The following VWA3A variants were observed in gnomAD, a reference collection of about 807,000 sequenced individuals.
The protein encoded by VWA3A is von Willebrand factor A domain-containing protein 3A.
Under a neutral mutation model 160.4 loss-of-function variants are expected in VWA3A, and 134 were observed. The ratio of observed to expected loss-of-function variants is 0.84; its 90% CI spans 0.73 to 0.96. VWA3A has a LOEUF of 0.96. VWA3A is among the 40% of genes least tolerant of loss of function. VWA3A has a pLI of 0.00. For missense variants in VWA3A, 1,310 were observed against 1,447.9 expected (o/e 0.90, Z 1.55); for synonymous variants, 476 against 543.4 (o/e 0.88, Z 1.72).
chr16:22,142,673 G>A lies in VWA3A; in HGVS notation c.2500G>A (p.Val834Met), dbSNP rs755169695. ...YTEKGNDVGSVYKKYPQGRGL... is the reference protein window; with the variant it reads ...YTEKGNDVGSMYKKYPQGRGL... ...CCTCACTCTGCTTCTTCTAGGCTCA[G>A]TGTACAAGAAGTACCCTCAAGGAAG... Residue 834 changes from valine (V) to methionine (M), a missense_variant, in exon 25 of 34, where the codon GTG becomes ATG. Coordinates refer to ENST00000389398, the MANE Select transcript of VWA3A (RefSeq NM_173615.5). 3.2e-6 allele frequency: 5 copies of A among 1,563,870 alleles called. No individual in the cohort carries two copies. Among genetic ancestry groups the A allele is most frequent in the Non-Finnish European group, 4.3e-6 (5 of 1,153,150 alleles).
intron 22 of VWA3A, among the ~76,000 whole-genome samples, chr16:22,139,820 G>A (rs2046110600): frequency 6.6e-6 from 1 of 152,150 alleles, no homozygotes. Context: ...GCAGGTGACT[G>A]ATGAAAAAAA....
chr16:22,129,266 G>GT (rs1292977805), intron 17 of VWA3A, among the ~76,000 whole-genome samples: 1 of 151,864 alleles, frequency 6.6e-6, no homozygotes, highest in African/African-American at 2.4e-5. Context: ...GTGGGCACCT[G>GT]TAGTCCCAGC....
At chr16:22,121,646 C>T (rs758987217) in intron 14 of VWA3A, 29 bp downstream of exon 14, 1 of 1,525,920 alleles carries the variant, frequency 6.6e-7, no homozygotes, top group Non-Finnish European at 9.1e-7. Flanking sequence ...TCTCTCCAGT[C>T]CTCCACAGGA....
intron 1 of VWA3A, among the ~76,000 whole-genome samples, chr16:22,093,942 T>TA (rs928923671): frequency 6.6e-6 from 1 of 151,144 alleles, no homozygotes; most frequent in African/African-American, 2.4e-5. Context: ...TTTTTGTATT[T>TA]TTTTTTTTTT....
intron 18 of VWA3A, 112 bp from the exon 19 acceptor site, chr16:22,131,473 G>A (rs754165443): frequency 2.7e-5 from 41 of 1,516,790 alleles, no homozygotes; most frequent in Non-Finnish European, 3.7e-5. Context: ...TTATGAGAGT[G>A]ATGACATCGA....
chr16:22,138,693 C>G (rs1395434242), intron 22 of VWA3A, 181 bp downstream of exon 22: 2 of 804,788 alleles, frequency 2.5e-6, no homozygotes, highest in East Asian at 5.5e-5. Context: ...GGGGCCGGCT[C>G]CTCAGCTCTC....
chr16:22,100,654 G>C (rs2045394502), intron 5 of VWA3A, among the ~76,000 whole-genome samples, 161 bp downstream of exon 5: 1 of 151,894 alleles, frequency 6.6e-6, no homozygotes, highest in African/African-American at 2.4e-5. Context: ...GGCCAACATG[G>C]TGAAATCCTG....
intron 14 of VWA3A, 32 bp downstream of exon 14, chr16:22,121,649 C>G (rs1447515157): frequency 6.6e-7 from 1 of 1,514,318 alleles, no homozygotes; most frequent in Non-Finnish European, 9.2e-7. Context: ...CTCCAGTCCT[C>G]CACAGGAGAG....
intron 20 of VWA3A, 77 bp downstream of exon 20, chr16:22,133,172 A>C: frequency 6.9e-7 from 1 of 1,445,766 alleles, no homozygotes; most frequent in East Asian, 2.5e-5. Flanking sequence ...CTTAGACCAC[A>C]GATGTATTCC....
chr16:22,096,181 C>T (rs552539674), intron 1 of VWA3A, among the ~76,000 whole-genome samples: 12 of 152,240 alleles, frequency 7.9e-5, no homozygotes, highest in East Asian at 1.9e-4. Context: ...AAGAATGATC[C>T]GGTCCAAGAG....
At chr16:22,127,870 G>A (rs1397076829) in intron 17 of VWA3A, among the ~76,000 whole-genome samples, 1 of 152,204 alleles carries the variant, frequency 6.6e-6, no homozygotes, top group Non-Finnish European at 1.5e-5. Context: ...CTAGGTATGG[G>A]ACTGCAAGGT....
At chr16:22,140,101 C>T (rs2046117067) in intron 22 of VWA3A, 53 bp from the exon 23 acceptor site, 3 of 1,559,896 alleles carry the variant, frequency 1.9e-6, no homozygotes, top group Non-Finnish European at 2.6e-6. Flanking sequence ...TAACTGGGAT[C>T]CTGCGTGACA....
intron 5 of VWA3A, 94 bp from the exon 6 acceptor site, chr16:22,103,381 A>C (rs1033111155): frequency 8.3e-6 from 10 of 1,204,242 alleles, no homozygotes; most frequent in Non-Finnish European, 1.2e-5. Context: ...AAAAAAAAAA[A>C]CAATTATTCA....
intron 25 of VWA3A, 76 bp downstream of exon 25, chr16:22,142,841 T>TGG: frequency 9.0e-7 from 1 of 1,113,862 alleles, no homozygotes; most frequent in Non-Finnish European, 1.3e-6. Context: ...ACTTCTAGGA[T>TGG]GGGGGGGCAT....
At chr16:22,100,808 T>C (rs1276790234) in intron 5 of VWA3A, among the ~76,000 whole-genome samples, 1 of 144,334 alleles carries the variant, frequency 6.9e-6, no homozygotes, top group Non-Finnish European at 1.5e-5. Flanking sequence ...ACCATTGCAC[T>C]CCAGCCTGGG....
intron 5 of VWA3A, among the ~76,000 whole-genome samples, chr16:22,100,997 A>G (rs912636101): frequency 1.3e-5 from 2 of 148,476 alleles, no homozygotes; most frequent in African/African-American, 4.9e-5. Flanking sequence ...AAAAACTACC[A>G]CTCAGGGAGA....
At chr16:22,106,771 TGGAAACA>T (rs1295686423) in intron 6 of VWA3A, among the ~76,000 whole-genome samples, 1 of 152,156 alleles carries the variant, frequency 6.6e-6, no homozygotes, top group Non-Finnish European at 1.5e-5. Context: ...GGGGTAAAAG[TGGAAACA>T]GGACAACCGC....
chr16:22,148,635 G>C (rs962687914), intron 28 of VWA3A, among the ~76,000 whole-genome samples: 1 of 152,118 alleles, frequency 6.6e-6, no homozygotes, highest in African/African-American at 2.4e-5. Flanking sequence ...GCTGGGTATG[G>C]TGGTGTGCAC....
chr16:22,133,082 G>C lies in VWA3A; in HGVS notation c.2055G>C (p.Trp685Cys), dbSNP rs776056076. 6.2e-7 allele frequency: 1 copy of C among 1,612,546 alleles called. No homozygotes were observed. The highest frequency in any genetic ancestry group is 1.3e-5 in the African/African-American group (1 of 74,886). The change falls in exon 20 of 34, where the codon TGG becomes TGC. Residue 685 changes from tryptophan (W) to cysteine (C), a missense_variant. Trp to Cys is a radical substitution (Grantham distance 215, BLOSUM62 -2). Transcript: ENST00000389398. ...GGGCTGCAGGTGGCCGCTTCCACTGGTTTGGAGACACAGGTACATGACTGT... is the reference window on the plus strand; with the variant it reads ...GGGCTGCAGGTGGCCGCTTCCACTGCTTTGGAGACACAGGTACATGACTGT... ...VTRAAGGRFHWFGDTGIYESD... is the reference protein window; with the variant it reads ...VTRAAGGRFHCFGDTGIYESD...
Sources: allele counts gnomAD v4.1 joint callset (sites outside exome capture counted in the v4.1 genomes callset), GRCh38; gene constraint gnomAD v4.1.1; transcripts MANE v1.5; gene names NCBI Gene and HGNC (gene_info 2026-07-23, HGNC 2026-07-21).